ARHGAP28: variants seen among roughly 807,000 people sequenced by gnomAD.
The protein encoded by ARHGAP28 is rho GTPase-activating protein 28.
ARHGAP28 carries 56 observed loss-of-function variants against 90.7 expected under a neutral mutation model. The ratio of observed to expected loss-of-function variants is 0.62; its 90% CI spans 0.50 to 0.77. The LOEUF is 0.77. Ranked by LOEUF, ARHGAP28 falls within the 30% of genes least tolerant of loss-of-function variation. The pLI, the probability that ARHGAP28 is intolerant of heterozygous loss-of-function variation, is 0.00. For synonymous variants in ARHGAP28, 308 were observed against 323.3 expected (o/e 0.95, Z 0.51); for missense variants, 869 against 900.9 (o/e 0.96, Z 0.45).
At chr18:6,847,708 A>G (rs549467437) in intron 3 of ARHGAP28, among the ~76,000 whole-genome samples, 9 of 152,118 alleles carry the variant, frequency 5.9e-5, no homozygotes, top group African/African-American at 2.2e-4. Context: ...AAAATATATT[A>G]GCTTAAATAT....
At chr18:6,810,492 A>T (rs959315836) in intron 1 of ARHGAP28, among the ~76,000 whole-genome samples, 1 of 151,640 alleles carries the variant, frequency 6.6e-6, no homozygotes, top group African/African-American at 2.4e-5. Context: ...ACAGGGTTTC[A>T]CCATGTTGCC....
chr18:6,809,250 G>A (rs2056539677), intron 1 of ARHGAP28, among the ~76,000 whole-genome samples: 1 of 152,168 alleles, frequency 6.6e-6, no homozygotes, highest in Non-Finnish European at 1.5e-5. Context: ...TTTATAGTGG[G>A]AGAGTAATTT....
At chr18:6,864,432 G>A (rs935608783) in intron 5 of ARHGAP28, among the ~76,000 whole-genome samples, 2 of 152,084 alleles carry the variant, frequency 1.3e-5, no homozygotes, top group South Asian at 4.1e-4. Flanking sequence ...ATGAATTTTG[G>A]TAATGTGTAT....
At chr18:6,898,909 T>C (rs765797728) in intron 16 of ARHGAP28, among the ~76,000 whole-genome samples, 1 of 152,012 alleles carries the variant, frequency 6.6e-6, no homozygotes, top group Non-Finnish European at 1.5e-5. Context: ...GGGTGAGGGA[T>C]AAAAGACTAT....
intron 17 of ARHGAP28, among the ~76,000 whole-genome samples, chr18:6,910,899 C>T (rs1336907958): frequency 1.3e-5 from 2 of 151,140 alleles, no homozygotes; most frequent in Non-Finnish European, 2.9e-5. Flanking sequence ...GGCTGGAGTG[C>T]AGTGGCGCGA....
chr18:6,769,149 A>T (rs966159853), intron 1 of ARHGAP28, among the ~76,000 whole-genome samples: 1 of 151,968 alleles, frequency 6.6e-6, no homozygotes, highest in Non-Finnish European at 1.5e-5. Context: ...GGGGCCATTG[A>T]TTGTGCCCTG....
chr18:6,743,713 G>T (rs2055998833), intron 1 of ARHGAP28, among the ~76,000 whole-genome samples: 2 of 152,162 alleles, frequency 1.3e-5, no homozygotes, highest in Non-Finnish European at 2.9e-5. Flanking sequence ...ATATCCCCCA[G>T]TGTTTTAAAA....
At chr18:6,907,565 G>A (rs960970757) in intron 16 of ARHGAP28, among the ~76,000 whole-genome samples, 1 of 152,190 alleles carries the variant, frequency 6.6e-6, no homozygotes, top group Non-Finnish European at 1.5e-5. Context: ...TTCATACTGT[G>A]TGTTTCCATT....
chr18:6,886,221 A>G (rs2057219991), intron 11 of ARHGAP28, among the ~76,000 whole-genome samples: 1 of 152,076 alleles, frequency 6.6e-6, no homozygotes, highest in African/African-American at 2.4e-5. Flanking sequence ...ATAGAAATAG[A>G]TTTTCCTTCA....
At chr18:6,827,718 C>A (rs532052298) in intron 2 of ARHGAP28, among the ~76,000 whole-genome samples, 1 of 151,792 alleles carries the variant, frequency 6.6e-6, no homozygotes, top group Admixed American at 6.6e-5. Flanking sequence ...GGTGTGGTTG[C>A]CGGGTGGAGG....
At chr18:6,765,981 T>G (rs2056196996) in intron 1 of ARHGAP28, among the ~76,000 whole-genome samples, 1 of 152,244 alleles carries the variant, frequency 6.6e-6, no homozygotes, top group African/African-American at 2.4e-5. Flanking sequence ...GAACATACTT[T>G]GCATGAATTA....
At chr18:6,796,237 G>A (rs780230883) in intron 1 of ARHGAP28, among the ~76,000 whole-genome samples, 1 of 152,158 alleles carries the variant, frequency 6.6e-6, no homozygotes, top group Non-Finnish European at 1.5e-5. Flanking sequence ...ATGCACACAC[G>A]CATTCATGTA....
At chr18:6,734,716 A>C (rs1026004543) in intron 1 of ARHGAP28, among the ~76,000 whole-genome samples, 1 of 152,188 alleles carries the variant, frequency 6.6e-6, no homozygotes, top group African/African-American at 2.4e-5. Flanking sequence ...ACTCTTACTA[A>C]GCATTTATGT....
intron 17 of ARHGAP28, 57 bp from the exon 18 acceptor site, chr18:6,912,003 G>T: frequency 1.7e-6 from 2 of 1,146,300 alleles, no homozygotes; most frequent in Admixed American, 2.0e-5. Context: ...ACATATGTGT[G>T]CGCACGCACA....
chr18:6,782,876 T>C (rs2056336743), intron 1 of ARHGAP28, among the ~76,000 whole-genome samples: 1 of 152,116 alleles, frequency 6.6e-6, no homozygotes, highest in African/African-American at 2.4e-5. Context: ...GTCTTGGTGC[T>C]TACTCTTTCT....
chr18:6,786,095 G>A (rs939232583), intron 1 of ARHGAP28, among the ~76,000 whole-genome samples: 1 of 152,166 alleles, frequency 6.6e-6, no homozygotes, highest in African/African-American at 2.4e-5. Flanking sequence ...GGAGGTTTAT[G>A]TCTTTAAATG....
chr18:6,839,040 G>T (rs1157917369), intron 3 of ARHGAP28, among the ~76,000 whole-genome samples: 1 of 152,246 alleles, frequency 6.6e-6, no homozygotes, highest in East Asian at 1.9e-4. Flanking sequence ...AGCAACTGTG[G>T]TCCTTATGTC....
intron 17 of ARHGAP28, among the ~76,000 whole-genome samples, chr18:6,909,926 AT>A (rs2057386974): frequency 6.6e-6 from 1 of 152,086 alleles, no homozygotes; most frequent in Non-Finnish European, 1.5e-5. Context: ...CATTTTAAAA[AT>A]TGGCAATTTC....
intron 5 of ARHGAP28, among the ~76,000 whole-genome samples, chr18:6,863,137 A>T (rs571171853): frequency 3.9e-5 from 6 of 152,158 alleles, no homozygotes; most frequent in African/African-American, 7.2e-5. Context: ...CCCTTAGAGG[A>T]CTGACCACAA....
Sources: allele counts gnomAD v4.1 joint callset (sites outside exome capture counted in the v4.1 genomes callset), GRCh38; gene constraint gnomAD v4.1.1; transcripts MANE v1.5; gene names NCBI Gene and HGNC (gene_info 2026-07-23, HGNC 2026-07-21).